Variants in PKNOX2 observed in about 807,000 individuals in gnomAD.
PKNOX2 encodes the protein homeobox protein PKNOX2.
In PKNOX2, 14 loss-of-function variants were observed where a neutral mutation model predicts 53.1. The ratio of observed to expected loss-of-function variants is 0.26; its 90% CI spans 0.17 to 0.41. The LOEUF (loss-of-function observed/expected upper bound fraction) is 0.41. PKNOX2 is among the 10% of genes least tolerant of loss of function. The probability of loss-of-function intolerance (pLI) is 1.00; values close to 1 mark genes in which losing one functional copy is unlikely to be tolerated. For missense variants in PKNOX2, 496 were observed against 602.8 expected (o/e 0.82, Z 1.85); for synonymous variants, 257 against 242.8 (o/e 1.06, Z -0.54).
At chr11:125,374,649 T>C (rs1230971585) in intron 5 of PKNOX2, among the ~76,000 whole-genome samples, 1 of 152,120 alleles carries the variant, frequency 6.6e-6, no homozygotes, top group Non-Finnish European at 1.5e-5. Context: ...GAGTGGTTGG[T>C]CGTGCTGCTT....
chr11:125,170,724 A>G (rs1230614204), intron 1 of PKNOX2, among the ~76,000 whole-genome samples: 2 of 152,252 alleles, frequency 1.3e-5, no homozygotes, highest in African/African-American at 2.4e-5. Flanking sequence ...GAAACCCTAA[A>G]CCAGGCAGGA....
intron 10 of PKNOX2, among the ~76,000 whole-genome samples, chr11:125,413,948 C>G (rs757884333): frequency 6.6e-6 from 1 of 152,146 alleles, no homozygotes; most frequent in African/African-American, 2.4e-5. Flanking sequence ...GTGGCCTTCC[C>G]CTTCACTACT....
intron 2 of PKNOX2, among the ~76,000 whole-genome samples, chr11:125,329,988 C>A (rs553272484): frequency 6.6e-6 from 1 of 152,276 alleles, no homozygotes; most frequent in East Asian, 1.9e-4. Context: ...ACGGCTGTGT[C>A]GGCAGTGCCT....
intron 2 of PKNOX2, among the ~76,000 whole-genome samples, chr11:125,305,193 A>G (rs1401867936): frequency 1.3e-5 from 2 of 152,118 alleles, no homozygotes; most frequent in Non-Finnish European, 2.9e-5. Flanking sequence ...GAGCAGAAAG[A>G]GCTCTTAAGA....
intron 2 of PKNOX2, among the ~76,000 whole-genome samples, chr11:125,319,470 C>T (rs1420547800): frequency 2.6e-5 from 4 of 152,118 alleles, no homozygotes; most frequent in African/African-American, 9.7e-5. Flanking sequence ...GTAAAAAATG[C>T]AATATCTGCA....
intron 10 of PKNOX2, among the ~76,000 whole-genome samples, chr11:125,417,129 C>A (rs1186133315): frequency 6.6e-6 from 1 of 151,974 alleles, no homozygotes; most frequent in Non-Finnish European, 1.5e-5. Flanking sequence ...TCAGGTCGGC[C>A]GAGAGCCCAT....
chr11:125,182,009 T>A (rs902884997), intron 1 of PKNOX2, among the ~76,000 whole-genome samples: 1 of 152,236 alleles, frequency 6.6e-6, no homozygotes, highest in Non-Finnish European at 1.5e-5. Context: ...GTGACCTGGC[T>A]CTTTGGGGCT....
chr11:125,310,474 G>C (rs1948733811), intron 2 of PKNOX2, among the ~76,000 whole-genome samples: 2 of 151,466 alleles, frequency 1.3e-5, no homozygotes. Context: ...CAGCCTGTGA[G>C]ATAGAGTGAG....
chr11:125,398,154 A>C (rs1954524711), intron 7 of PKNOX2, 92 bp downstream of exon 7: 1 of 1,322,994 alleles, frequency 7.6e-7, no homozygotes, highest in Admixed American at 2.4e-5. Flanking sequence ...GGTGACCTTC[A>C]CTGGGTTAGA....
chr11:125,270,120 A>G (rs1351069377), intron 2 of PKNOX2, among the ~76,000 whole-genome samples: 1 of 152,194 alleles, frequency 6.6e-6, no homozygotes, highest in Non-Finnish European at 1.5e-5. Flanking sequence ...TTGCCCCCTC[A>G]GGTTTTAAGA....
At chr11:125,211,007 G>A (rs925797410) in intron 1 of PKNOX2, among the ~76,000 whole-genome samples, 6 of 152,144 alleles carry the variant, frequency 3.9e-5, no homozygotes, top group Admixed American at 3.9e-4. Context: ...AACGAAGGTT[G>A]TGTATGGAAT....
chr11:125,346,472 G>A (rs1215847764), intron 3 of PKNOX2, among the ~76,000 whole-genome samples: 1 of 152,196 alleles, frequency 6.6e-6, no homozygotes, highest in Non-Finnish European at 1.5e-5. Context: ...AGAATAAGTG[G>A]TAGATTCTAC....
intron 2 of PKNOX2, among the ~76,000 whole-genome samples, chr11:125,306,737 C>A (rs1016382928): frequency 2.0e-5 from 3 of 152,174 alleles, no homozygotes; most frequent in East Asian, 1.9e-4. Flanking sequence ...AGACTCTGGA[C>A]CCTAGAGACC....
chr11:125,348,528 G>A (rs551679849), intron 3 of PKNOX2, among the ~76,000 whole-genome samples: 3 of 152,300 alleles, frequency 2.0e-5, no homozygotes, highest in Non-Finnish European at 2.9e-5. Flanking sequence ...CTTTCGACGC[G>A]GGTCTGGCCC....
At chr11:125,183,249 G>A (rs1328859109) in intron 1 of PKNOX2, among the ~76,000 whole-genome samples, 3 of 45,994 alleles carry the variant, frequency 6.5e-5, no homozygotes, top group Non-Finnish European at 1.4e-4. Context: ...TCACTCTGTC[G>A]CCCAGGTCGG....
chr11:125,411,048 T>C (rs1591562386), intron 9 of PKNOX2, 172 bp downstream of exon 9: 4 of 605,762 alleles, frequency 6.6e-6, no homozygotes, highest in Non-Finnish European at 1.2e-5. Context: ...AAAGGTTTTA[T>C]CAACTCCTGG....
intron 1 of PKNOX2, chr11:125,191,431 C>T (rs1489128353): frequency 6.6e-6 from 1 of 152,236 alleles, no homozygotes; most frequent in Non-Finnish European, 1.5e-5. Flanking sequence ...TCAGCAACGT[C>T]CAAGAGGTGC....
intron 2 of PKNOX2, among the ~76,000 whole-genome samples, chr11:125,237,680 C>T (rs1453049576): frequency 6.6e-6 from 1 of 152,220 alleles, no homozygotes; most frequent in Non-Finnish European, 1.5e-5. Flanking sequence ...GGAGGCCAGG[C>T]AAGGATTCCT....
chr11:125,384,018 G>C (rs1208530889), intron 5 of PKNOX2, among the ~76,000 whole-genome samples: 2 of 152,212 alleles, frequency 1.3e-5, no homozygotes, highest in African/African-American at 4.8e-5. Context: ...AGAGAGGGCT[G>C]TGAGATGCAT....
Sources: allele counts gnomAD v4.1 joint callset (sites outside exome capture counted in the v4.1 genomes callset), GRCh38; gene constraint gnomAD v4.1.1; transcripts MANE v1.5; gene names NCBI Gene and HGNC (gene_info 2026-07-23, HGNC 2026-07-21).